Variants in SOBP observed in about 807,000 individuals in gnomAD.
SOBP encodes the protein sine oculis-binding protein homolog.
A neutral mutation model predicts 53.6 loss-of-function variants in SOBP; 4 were observed. The observed-to-expected ratio is 0.07, with a 90% confidence interval of 0.04 to 0.17. The LOEUF (loss-of-function observed/expected upper bound fraction) is 0.17. Among genes scored for constraint, SOBP ranks in the 10% least tolerant of loss-of-function variants. SOBP has a pLI of 1.00. For synonymous variants in SOBP, 584 were observed against 522.6 expected, an observed-to-expected ratio of 1.12 and a Z score of -1.60; for missense variants, 1,088 against 1,204.7, an observed-to-expected ratio of 0.90 and a Z score of 1.43.
chr6:107,581,029 G>A (rs1785386114), intron 4 of SOBP, among the ~76,000 whole-genome samples: 2 of 152,192 alleles, frequency 1.3e-5, no homozygotes, highest in African/African-American at 4.8e-5. Flanking sequence ...TCGCTCACTC[G>A]GTCATTTATG....
At chr6:107,639,149 C>T (rs1011722909) in intron 6 of SOBP, among the ~76,000 whole-genome samples, 12 of 152,148 alleles carry the variant, frequency 7.9e-5, no homozygotes, top group African/African-American at 2.9e-4. Flanking sequence ...GTGATCTGCC[C>T]ACCTTGGTCT....
At chr6:107,573,072 AATGCCT>A in intron 4 of SOBP, among the ~76,000 whole-genome samples, 1 of 152,210 alleles carries the variant, frequency 6.6e-6, no homozygotes, top group East Asian at 1.9e-4. Flanking sequence ...GAAACAAAAC[AATGCCT>A]TTTTTGAGGG....
intron 1 of SOBP, among the ~76,000 whole-genome samples, chr6:107,499,181 G>T (rs1418929238): frequency 6.6e-6 from 1 of 152,124 alleles, no homozygotes; most frequent in Admixed American, 6.5e-5. Context: ...GGGAAGTACA[G>T]AATTTATAAT....
intron 6 of SOBP, among the ~76,000 whole-genome samples, chr6:107,653,802 C>T (rs1362142202): frequency 6.6e-6 from 1 of 152,190 alleles, no homozygotes; most frequent in Non-Finnish European, 1.5e-5. Context: ...ACATTTTTCT[C>T]TGAACACACA....
intron 4 of SOBP, among the ~76,000 whole-genome samples, chr6:107,534,123 A>G (rs1229234185): frequency 6.6e-6 from 1 of 152,230 alleles, no homozygotes; most frequent in Admixed American, 6.5e-5. Flanking sequence ...GCTGATTGAT[A>G]TTGAGAAAAG....
chr6:107,580,264 A>G (rs781520065), intron 4 of SOBP, among the ~76,000 whole-genome samples: 1 of 152,320 alleles, frequency 6.6e-6, no homozygotes, highest in South Asian at 2.1e-4. Flanking sequence ...GCATGCACAC[A>G]TAATTTTGTT....
At chr6:107,642,219 C>G (rs1000902179) in intron 6 of SOBP, among the ~76,000 whole-genome samples, 2 of 152,036 alleles carry the variant, frequency 1.3e-5, no homozygotes, top group African/African-American at 4.8e-5. Flanking sequence ...GAGTTCTTCT[C>G]CAGATTTGTG....
intron 1 of SOBP, among the ~76,000 whole-genome samples, chr6:107,495,892 C>T (rs548123603): frequency 1.6e-4 from 24 of 152,080 alleles, no homozygotes; most frequent in African/African-American, 5.8e-4. Context: ...TCTAAAACTT[C>T]CTCTTGTGGA....
chr6:107,520,225 C>T (rs757001650), intron 3 of SOBP, among the ~76,000 whole-genome samples: 70 of 152,174 alleles, frequency 4.6e-4, no homozygotes, highest in Non-Finnish European at 8.7e-4. Flanking sequence ...GTCAGGGGTT[C>T]GAGTAAAAGA....
At chr6:107,553,733 G>A (rs543181927) in intron 4 of SOBP, among the ~76,000 whole-genome samples, 4 of 151,952 alleles carry the variant, frequency 2.6e-5, no homozygotes, top group Admixed American at 6.6e-5. Flanking sequence ...TGATCCACCC[G>A]CCTTGGCCTC....
intron 5 of SOBP, among the ~76,000 whole-genome samples, chr6:107,596,083 C>T (rs985692190): frequency 6.6e-6 from 1 of 152,156 alleles, no homozygotes; most frequent in African/African-American, 2.4e-5. Flanking sequence ...GATGAGTCTG[C>T]CCTGGCCAAG....
Position 107,635,331 on chromosome 6 carries a change from G to T in SOBP, c.2487G>T (p.Gln829His). ...TGCCCAAGACCGGCTGCGTGATCCA[G>T]CCTGTGCCAAAACCCGCGGAGAAGG... ...RMLPKTGCVI[Q>H]PVPKPAEKAA... The change falls in exon 6 of 7, where the codon CAG becomes CAT. Residue 829 changes from glutamine to histidine, a missense_variant. Transcript: ENST00000317357. This position sits in a 1 kb window ranked among gnomAD's most constrained non-coding sequence, Gnocchi z 4.5. 2 of 1,613,690 alleles carry T rather than the reference G, an allele frequency of 1.2e-6. No individual in the cohort carries two copies. The highest frequency in any genetic ancestry group is 1.7e-6 in the Non-Finnish European group (2 of 1,180,028).
intron 5 of SOBP, among the ~76,000 whole-genome samples, chr6:107,613,727 G>A (rs1786680280): frequency 1.3e-5 from 2 of 152,182 alleles, no homozygotes; most frequent in South Asian, 4.1e-4. Context: ...TTACAGCTAG[G>A]AAATGACAAA....
At chr6:107,549,071 T>TC (rs1236114765) in intron 4 of SOBP, among the ~76,000 whole-genome samples, 1 of 151,944 alleles carries the variant, frequency 6.6e-6, no homozygotes, top group Non-Finnish European at 1.5e-5. Flanking sequence ...ATCGAGACCA[T>TC]CTGGCTAACA....
chr6:107,542,485 G>A (rs1784177135), intron 4 of SOBP, among the ~76,000 whole-genome samples: 1 of 152,078 alleles, frequency 6.6e-6, no homozygotes, highest in Admixed American at 6.6e-5. Flanking sequence ...GGCAGCTATT[G>A]GAAGCTGTTG....
chr6:107,653,068 G>A lies in SOBP; in HGVS notation c.*4-5139G>A, dbSNP rs143922984. 1.9e-3 allele frequency among the ~76,000 whole-genome samples: 282 copies of A among 152,220 alleles called. 1 individual carries two copies. The highest frequency in any genetic ancestry group is 6.4e-3 in the African/African-American group (264 of 41,538). On this transcript the variant is annotated intron_variant, in intron 6 of 6. Coordinates refer to ENST00000317357, the MANE Select transcript of SOBP (RefSeq NM_018013.4). Reference sequence around the variant, plus strand: ...GAACCAAACCTCCAGTATCTCCCACGTATCTTCATCAGTTAATGAGCTATA... The same window carrying A: ...GAACCAAACCTCCAGTATCTCCCACATATCTTCATCAGTTAATGAGCTATA...
chr6:107,659,474 A>G lies in SOBP; in HGVS notation c.*1271A>G. On this transcript the variant is annotated 3_prime_UTR_variant, in exon 7 of 7. Coordinates refer to ENST00000317357, the MANE Select transcript of SOBP (RefSeq NM_018013.4). ...ATCCCATTCTGATGAGTACAGAAAA[A>G]AAAAGAAAAAGAAAAGAAGAGAAAA... 1 of 152,454 alleles carries G rather than the reference A, an allele frequency of 6.6e-6. No homozygotes were observed. Among genetic ancestry groups the G allele is most frequent in the Non-Finnish European group, 1.5e-5 (1 of 68,006 alleles). The allele number at this position is 152,454 out of a possible 1,614,324, so 9.4% of individuals were successfully genotyped here. A position where few individuals can be genotyped will look rare whatever the true frequency, so the allele number is the denominator to read the frequency against.
In SOBP at chr6:107,635,792, A is replaced by T. The variant is rs990889713; in HGVS notation, c.*3+323A>T. ...CCAATTACACTTTATTATCATGCTCATCTCCGTAAATCACCCTATTGGAGA... is the reference window on the plus strand; with the variant it reads ...CCAATTACACTTTATTATCATGCTCTTCTCCGTAAATCACCCTATTGGAGA... On this transcript the variant is annotated intron_variant, in intron 6 of 6. Transcript: ENST00000317357. This position sits in a 1 kb window ranked among gnomAD's most constrained non-coding sequence, Gnocchi z 4.5. Among the ~76,000 whole-genome samples the T allele has an allele frequency of 6.6e-6, 1 of 152,182 alleles. No individual in the cohort carries two copies. The highest frequency in any genetic ancestry group is 2.4e-5 in the African/African-American group (1 of 41,454).
intron 4 of SOBP, among the ~76,000 whole-genome samples, chr6:107,549,844 T>C (rs1373058060): frequency 6.6e-6 from 1 of 152,140 alleles, no homozygotes; most frequent in Non-Finnish European, 1.5e-5. Flanking sequence ...AGAAAACCTA[T>C]GTCAAAACAA....
Sources: allele counts gnomAD v4.1 joint callset (sites outside exome capture counted in the v4.1 genomes callset), GRCh38; gene constraint gnomAD v4.1.1; non-coding constraint Gnocchi (gnomAD v3.1); transcripts MANE v1.5; gene names NCBI Gene and HGNC (gene_info 2026-07-23, HGNC 2026-07-21).